Variants in GTF3C3 observed in about 807,000 individuals in gnomAD.
GTF3C3 encodes the protein general transcription factor IIIC subunit 3.
A neutral mutation model predicts 105.2 loss-of-function variants in GTF3C3; 75 were observed. The ratio of observed to expected loss-of-function variants is 0.71; its 90% confidence interval spans 0.59 to 0.86. The LOEUF is 0.86. GTF3C3 is among the 40% of genes least tolerant of loss of function. The probability of loss-of-function intolerance (pLI) is 0.00; values close to 1 mark genes in which losing one functional copy is unlikely to be tolerated. For missense variants in GTF3C3, 856 were observed against 1,076.5 expected (o/e 0.80, Z 2.87); for synonymous variants, 335 against 370.4 (o/e 0.90, Z 1.10).
chr2:196,785,386 C>A, intron 7 of GTF3C3, 55 bp downstream of exon 7: 1 of 1,411,616 alleles, frequency 7.1e-7, no homozygotes, highest in Non-Finnish European at 9.5e-7. Context: ...TTAAGAATTT[C>A]CAGAACACAG....
chr2:196,781,356 A>ATTTTT (rs1198418975), intron 8 of GTF3C3, among the ~76,000 whole-genome samples: 1 of 54,490 alleles, frequency 1.8e-5, no homozygotes, highest in African/African-American at 4.7e-5. Context: ...AAAAAAAAAA[A>ATTTTT]AATATATATA....
At chr2:196,782,706 C>T (rs773701628) in intron 8 of GTF3C3, among the ~76,000 whole-genome samples, 1 of 152,004 alleles carries the variant, frequency 6.6e-6, no homozygotes, top group Admixed American at 6.5e-5. Context: ...GTAAGGAGGT[C>T]ACTTCATAAT....
At chr2:196,787,919 C>T (rs1442217971) in intron 6 of GTF3C3, among the ~76,000 whole-genome samples, 2 of 152,132 alleles carry the variant, frequency 1.3e-5, no homozygotes, top group African/African-American at 2.4e-5. Flanking sequence ...TAGAATTCCA[C>T]ATAGGAAAGA....
In GTF3C3 at chr2:196,776,460, A is replaced by T; in HGVS notation, c.1560T>A (p.Asp520Glu). The T allele has an allele frequency of 6.2e-7, 1 of 1,614,144 alleles. No homozygotes were observed. Among genetic ancestry groups the T allele is most frequent in the East Asian group, 2.2e-5 (1 of 44,886 alleles). Residue 520 changes from aspartate (D) to glutamate (E), a missense_variant, in exon 11 of 18, where the codon GAT becomes GAA. Coordinates refer to ENST00000263956, the MANE Select transcript of GTF3C3 (RefSeq NM_012086.5). This position sits in a 1 kb window ranked among gnomAD's most constrained non-coding sequence, Gnocchi z 4.5. ...LEALEPMYDP[D>E]TLAQDANAAQ... Reference sequence around the variant, plus strand: ...CAGCATTTGCATCCTGTGCTAAAGTATCTGGATCATACATTGGTTCCAGAG... The same window carrying T: ...CAGCATTTGCATCCTGTGCTAAAGTTTCTGGATCATACATTGGTTCCAGAG...
chr2:196,769,867 A>T, intron 16 of GTF3C3, 48 bp downstream of exon 16: 1 of 1,507,570 alleles, frequency 6.6e-7, no homozygotes, highest in Non-Finnish European at 9.2e-7. Context: ...AAGTATATTC[A>T]TTTTTAAGAA....
At chr2:196,791,879 G>C (rs1699555419) in intron 3 of GTF3C3, 1 of 156,762 alleles carries the variant, frequency 6.4e-6, no homozygotes, top group South Asian at 1.9e-4. Flanking sequence ...GGAGGTTACA[G>C]TGAGCCAAGA....
At chr2:196,770,300 A>C (rs1699149688) in intron 15 of GTF3C3, among the ~76,000 whole-genome samples, 1 of 152,274 alleles carries the variant, frequency 6.6e-6, no homozygotes, top group Non-Finnish European at 1.5e-5. Flanking sequence ...ATTTCCATGT[A>C]AAGTAATACT....
chr2:196,775,870 TTTTTG>T, intron 12 of GTF3C3, 135 bp downstream of exon 12: 1 of 495,662 alleles, frequency 2.0e-6, no homozygotes, highest in Non-Finnish European at 3.6e-6. Flanking sequence ...ACCTCTAGCT[TTTTTG>T]TTTTTATCTT....
intron 15 of GTF3C3, 48 bp downstream of exon 15, chr2:196,771,700 T>C (rs1699179085): frequency 1.5e-6 from 2 of 1,325,702 alleles, no homozygotes; most frequent in East Asian, 4.6e-5. Flanking sequence ...GGCTAGGCTC[T>C]TCACCACACT....
Position 196,764,471 on chromosome 2 carries a change from T to C in GTF3C3, c.*92A>G. On this transcript the variant is annotated 3_prime_UTR_variant, in exon 18 of 18. Transcript: ENST00000263956. ...GTTAGGTAATTCTGAAATTGTCATT[T>C]CTATTTTGGAGTTACAAATAATAAG... 2 of 1,127,464 alleles carry C rather than the reference T, an allele frequency of 1.8e-6. No individual in the cohort carries two copies. The highest frequency in any genetic ancestry group is 2.2e-5 in the South Asian group (1 of 45,278). 69.8% of individuals were successfully genotyped at this position (1,127,464 alleles called of 1,614,324 possible). A position where few individuals can be genotyped will look rare whatever the true frequency, so the allele number is the denominator to read the frequency against.
intron 2 of GTF3C3, among the ~76,000 whole-genome samples, chr2:196,793,659 T>C (rs1377081790): frequency 6.6e-6 from 1 of 152,190 alleles, no homozygotes; most frequent in African/African-American, 2.4e-5. Context: ...TTTATAGGGC[T>C]ACTCTGAGGA....
chr2:196,786,751 T>C lies in GTF3C3; in HGVS notation c.894-1163A>G, dbSNP rs1699458557. Among the ~76,000 whole-genome samples, 1 of 152,034 alleles carries C rather than the reference T, an allele frequency of 6.6e-6. No individual in the cohort carries two copies. The highest frequency in any genetic ancestry group is 2.1e-4 in the South Asian group (1 of 4,814). ...CTCCCCTTGCAAATTCCCCCAAAGT[T>C]GTCCATCCCCCATACCGTCTCCAAT... On this transcript the variant is annotated intron_variant, in intron 6 of 17. Transcript: ENST00000263956. This position sits in a 1 kb window ranked among gnomAD's most constrained non-coding sequence, Gnocchi z 4.2.
chr2:196,798,909 A>C (rs1038810396), intron 1 of GTF3C3, among the ~76,000 whole-genome samples: 1 of 151,930 alleles, frequency 6.6e-6, no homozygotes, highest in Non-Finnish European at 1.5e-5. Context: ...TAAAAATTTA[A>C]AAAGGTTGCA....
chr2:196,768,265 C>T (rs150022860), intron 16 of GTF3C3, among the ~76,000 whole-genome samples: 28 of 152,278 alleles, frequency 1.8e-4, no homozygotes, highest in East Asian at 3.9e-4. Flanking sequence ...GTGATCCACC[C>T]GCCTCGGCCA....
rs1057480549 is a variant in GTF3C3 at position 196,764,417 on chromosome 2, A to G, written c.*146T>C. 12 of 720,542 alleles carry G rather than the reference A, an allele frequency of 1.7e-5. No individual in the cohort carries two copies. In the East Asian group the frequency reaches 2.2e-4, roughly 13 times the overall value. The allele number at this position is 720,542 out of a possible 1,614,324, so 44.6% of individuals were successfully genotyped here. The stretch of plus-strand genomic sequence containing the variant: ...TTTGCATATATACCACAAGATCATT[A>G]TCACATATTAAAAATAAATACACTG... On this transcript the variant is annotated 3_prime_UTR_variant, in exon 18 of 18. Coordinates refer to ENST00000263956, the MANE Select transcript of GTF3C3 (RefSeq NM_012086.5).
At chr2:196,793,202 T>C in intron 2 of GTF3C3, 50 bp from the exon 3 acceptor site, 1 of 1,301,408 alleles carries the variant, frequency 7.7e-7, no homozygotes, top group Non-Finnish European at 1.1e-6. Flanking sequence ...TGCAGAATTC[T>C]CAGTGAAAAA....
chr2:196,784,977 C>T (rs746917448), intron 7 of GTF3C3, 48 bp from the exon 8 acceptor site: 1 of 1,220,866 alleles, frequency 8.2e-7, no homozygotes. Flanking sequence ...TGTGAAAAAC[C>T]ATTTCATAAT....
chr2:196,790,940 A>C (rs1302360599), intron 4 of GTF3C3, among the ~76,000 whole-genome samples: 1 of 152,322 alleles, frequency 6.6e-6, no homozygotes, highest in East Asian at 1.9e-4. Context: ...ACACCATTTA[A>C]CTGAGAGATA....
intron 8 of GTF3C3, among the ~76,000 whole-genome samples, chr2:196,781,069 T>C (rs1354777986): frequency 6.6e-6 from 1 of 151,928 alleles, no homozygotes; most frequent in African/African-American, 2.4e-5. Context: ...AAATAATTTT[T>C]AAAGCCCTGG....
Sources: allele counts gnomAD v4.1 joint callset (sites outside exome capture counted in the v4.1 genomes callset), GRCh38; gene constraint gnomAD v4.1.1; non-coding constraint Gnocchi (gnomAD v3.1); transcripts MANE v1.5; gene names NCBI Gene and HGNC (gene_info 2026-07-23, HGNC 2026-07-21).